The following TRIM24 variants were observed in gnomAD, a reference collection of about 807,000 sequenced individuals.
TRIM24 encodes the protein transcription intermediary factor 1-alpha.
TRIM24 carries 29 observed loss-of-function variants against 123.9 expected under a neutral mutation model. The observed-to-expected ratio is 0.23, with a 90% confidence interval of 0.17 to 0.32. TRIM24 has a LOEUF of 0.32. TRIM24 is among the 10% of genes least tolerant of loss of function. TRIM24 has a pLI of 1.00. For missense variants in TRIM24, 932 were observed against 1,295.3 expected, an observed-to-expected ratio of 0.72 and a Z score of 4.31; for synonymous variants, 456 against 461.1, an observed-to-expected ratio of 0.99 and a Z score of 0.14.
chr7:138,507,102 A>G (rs1178129989), intron 2 of TRIM24, among the ~76,000 whole-genome samples: 2 of 152,118 alleles, frequency 1.3e-5, no homozygotes, highest in Non-Finnish European at 2.9e-5. Context: ...GTGAGACTGT[A>G]AAGTAGAGGT....
At chr7:138,527,316 A>G (rs1023934925) in intron 5 of TRIM24, among the ~76,000 whole-genome samples, 2 of 152,190 alleles carry the variant, frequency 1.3e-5, no homozygotes, top group Non-Finnish European at 2.9e-5. Flanking sequence ...CATTGTGTGT[A>G]ACAATTTTGA....
intron 9 of TRIM24, among the ~76,000 whole-genome samples, chr7:138,559,443 G>A (rs1469118547): frequency 6.6e-6 from 1 of 152,126 alleles, no homozygotes; most frequent in Non-Finnish European, 1.5e-5. Flanking sequence ...AAAGAGACAG[G>A]ATAATAGTAA....
chr7:138,522,200 G>C (rs1428400500), intron 4 of TRIM24, among the ~76,000 whole-genome samples: 1 of 152,108 alleles, frequency 6.6e-6, no homozygotes, highest in Non-Finnish European at 1.5e-5. Flanking sequence ...GCCAGGTGCA[G>C]TGGCTCACAC....
chr7:138,503,980 C>T (rs1796095630), intron 1 of TRIM24, among the ~76,000 whole-genome samples: 2 of 152,126 alleles, frequency 1.3e-5, no homozygotes, highest in Non-Finnish European at 2.9e-5. Flanking sequence ...CCATATGGTT[C>T]TGTACGTTTC....
intron 6 of TRIM24, among the ~76,000 whole-genome samples, chr7:138,530,571 ATCT>A (rs1045460665): frequency 9.2e-5 from 14 of 151,868 alleles, no homozygotes; most frequent in Admixed American, 7.2e-4. Context: ...GTCTCAGGTG[ATCT>A]TCTCATTGCA....
At chr7:138,510,407 TTTTGTTTG>T (rs571956724) in intron 2 of TRIM24, among the ~76,000 whole-genome samples, 10 of 152,170 alleles carry the variant, frequency 6.6e-5, no homozygotes, top group South Asian at 4.1e-4. Context: ...GTGTGGTTTT[TTTTGTTTG>T]TTTGTTTGTT....
chr7:138,544,683 T>C (rs941704756), intron 7 of TRIM24, among the ~76,000 whole-genome samples: 1 of 152,212 alleles, frequency 6.6e-6, no homozygotes, highest in Non-Finnish European at 1.5e-5. Context: ...TTGTCTTCCT[T>C]GTCTTTTTGA....
At chr7:138,507,589 C>G (rs1289310738) in intron 2 of TRIM24, among the ~76,000 whole-genome samples, 1 of 152,066 alleles carries the variant, frequency 6.6e-6, no homozygotes, top group Non-Finnish European at 1.5e-5. Context: ...TCCCAAAGTG[C>G]TGGGATTACA....
chr7:138,512,888 A>G lies in TRIM24; in HGVS notation c.484-2324A>G, dbSNP rs959600612. Among the ~76,000 whole-genome samples the G allele has an allele frequency of 3.3e-5, 5 of 152,146 alleles. No individual in the cohort carries two copies. In the East Asian group the frequency reaches 7.7e-4, roughly 23 times the overall value. ...CACATGGCCAGGCTGCAAACTTTCCAAACTTTTATGCTCTGCTTCCCTTTG... is the reference window on the plus strand; with the variant it reads ...CACATGGCCAGGCTGCAAACTTTCCGAACTTTTATGCTCTGCTTCCCTTTG... On this transcript the variant is annotated intron_variant, in intron 2 of 18. Transcript: ENST00000343526.
chr7:138,463,019 G>A (rs1311610919), intron 1 of TRIM24, among the ~76,000 whole-genome samples: 2 of 143,126 alleles, frequency 1.4e-5, no homozygotes, highest in Non-Finnish European at 3.0e-5. Context: ...ACAGGCATGC[G>A]CCACCACGTC....
chr7:138,551,289 C>A, intron 8 of TRIM24, 109 bp downstream of exon 8: 2 of 931,072 alleles, frequency 2.1e-6, no homozygotes, highest in Non-Finnish European at 3.4e-6. Context: ...CGGTGGCTCA[C>A]ATCTGTAATC....
chr7:138,576,007 C>T (rs1266965021), intron 12 of TRIM24, among the ~76,000 whole-genome samples: 1 of 152,160 alleles, frequency 6.6e-6, no homozygotes, highest in Admixed American at 6.6e-5. Context: ...TACTCTAACA[C>T]AGAAAGACTT....
intron 1 of TRIM24, among the ~76,000 whole-genome samples, chr7:138,462,561 C>T (rs1163807562): frequency 6.6e-6 from 1 of 151,728 alleles, no homozygotes; most frequent in Non-Finnish European, 1.5e-5. Context: ...AGGATGGTCT[C>T]GATCTCCTGA....
chr7:138,460,988 C>A, intron 1 of TRIM24, 76 bp downstream of exon 1: 1 of 1,300,784 alleles, frequency 7.7e-7, no homozygotes, highest in Non-Finnish European at 9.9e-7. Flanking sequence ...GCGGCGCGAC[C>A]CGCTGTCATG....
At chr7:138,484,255 A>G (rs1795597387) in intron 1 of TRIM24, among the ~76,000 whole-genome samples, 1 of 151,788 alleles carries the variant, frequency 6.6e-6, no homozygotes. Context: ...GATTACAGGC[A>G]TGTGCCACCA....
intron 2 of TRIM24, among the ~76,000 whole-genome samples, chr7:138,508,674 T>TGTGTGTGC (rs754852524): frequency 2.7e-4 from 15 of 55,510 alleles, no homozygotes; most frequent in African/African-American, 9.2e-4. Flanking sequence ...TGTGTGTGTG[T>TGTGTGTGC]GTGTGTGTGT....
At chr7:138,570,709 A>G (rs1403158125) in intron 10 of TRIM24, 121 bp from the exon 11 acceptor site, 2 of 935,790 alleles carry the variant, frequency 2.1e-6, no homozygotes, top group Non-Finnish European at 1.6e-6. Context: ...TTGCTGTCCC[A>G]TTCTCCTTCC....
At chr7:138,561,184 T>C (rs974640444) in intron 9 of TRIM24, among the ~76,000 whole-genome samples, 1 of 152,230 alleles carries the variant, frequency 6.6e-6, no homozygotes, top group South Asian at 2.1e-4. Context: ...TTTGGGCTGA[T>C]GTTCTGTGGG....
At chr7:138,522,233 G>T (rs757535436) in intron 4 of TRIM24, among the ~76,000 whole-genome samples, 1 of 152,062 alleles carries the variant, frequency 6.6e-6, no homozygotes, top group Non-Finnish European at 1.5e-5. Flanking sequence ...CTACTCGGGA[G>T]GCTTAGGCAG....
Sources: gnomAD v4.1 joint callset for allele counts (sites outside exome capture counted in the v4.1 genomes callset) on GRCh38, gnomAD v4.1.1 for gene constraint, MANE v1.5 for transcripts, NCBI Gene and HGNC (gene_info 2026-07-23, HGNC 2026-07-21) for gene names.